The following NAALADL2 variants were observed in gnomAD, a reference collection of about 807,000 sequenced individuals.
The protein encoded by NAALADL2 is inactive N-acetylated-alpha-linked acidic dipeptidase-like protein 2.
Under a neutral mutation model 87.2 loss-of-function variants are expected in NAALADL2, and 76 were observed. The observed-to-expected ratio is 0.87, with a 90% CI of 0.72 to 1.05. The LOEUF is 1.05. Ranked by LOEUF, NAALADL2 falls within the 50% of genes least tolerant of loss-of-function variation. The pLI, the probability that NAALADL2 is intolerant of heterozygous loss-of-function variation, is 0.00. For missense variants in NAALADL2, 1,089 were observed against 945.8 expected (o/e 1.15, Z -1.99); for synonymous variants, 354 against 331.0 (o/e 1.07, Z -0.75).
chr3:175,731,802 T>G (rs1743790250), intron 11 of NAALADL2, among the ~76,000 whole-genome samples: 1 of 152,166 alleles, frequency 6.6e-6, no homozygotes, highest in Admixed American at 6.5e-5. Flanking sequence ...AACAGCTTTC[T>G]CCAGCAGCAC....
intron 3 of NAALADL2, among the ~76,000 whole-genome samples, chr3:174,750,196 A>G (rs960881220): frequency 6.6e-6 from 1 of 152,162 alleles, no homozygotes; most frequent in African/African-American, 2.4e-5. Context: ...ACTGCTATTT[A>G]TAAAAGATAA....
At chr3:174,505,907 A>G (rs1719173671) in intron 1 of NAALADL2, among the ~76,000 whole-genome samples, 1 of 152,166 alleles carries the variant, frequency 6.6e-6, no homozygotes, top group South Asian at 2.1e-4. Flanking sequence ...CAAAGAGGAA[A>G]ATGAAACTTT....
intron 1 of NAALADL2, among the ~76,000 whole-genome samples, chr3:174,929,334 C>T (rs1160468347): frequency 2.0e-5 from 3 of 152,136 alleles, no homozygotes; most frequent in Admixed American, 1.3e-4. Context: ...GAATGATTCT[C>T]ACTGCTGTAT....
At chr3:174,461,391 A>G (rs1716205751) in intron 1 of NAALADL2, among the ~76,000 whole-genome samples, 2 of 152,102 alleles carry the variant, frequency 1.3e-5, no homozygotes, top group Non-Finnish European at 1.5e-5. Context: ...TCTTTTCAAT[A>G]AAGTTTATCA....
chr3:175,736,967 T>G (rs1021482382), intron 11 of NAALADL2, among the ~76,000 whole-genome samples: 14 of 152,186 alleles, frequency 9.2e-5, no homozygotes, highest in African/African-American at 3.4e-4. Flanking sequence ...ACTGTTTGTT[T>G]GGTCATGTGA....
intron 2 of NAALADL2, among the ~76,000 whole-genome samples, chr3:175,171,384 T>G (rs1175506348): frequency 6.6e-6 from 1 of 152,072 alleles, no homozygotes; most frequent in Non-Finnish European, 1.5e-5. Flanking sequence ...AACAATCGAA[T>G]AGCAGATTTA....
rs550698187 is a variant in NAALADL2 at position 175,469,694 on chromosome 3, G to A, written c.1534-1945G>A. Among the ~76,000 whole-genome samples, 12 of 152,112 alleles carry A rather than the reference G, an allele frequency of 7.9e-5. No individual in the cohort carries two copies. In the South Asian group the frequency reaches 1.0e-3, roughly 13 times the overall value. The stretch of plus-strand genomic sequence containing the variant: ...AAATATTATAGATATTGGAGTAAAA[G>A]AAGTCATAGTTCAAATTCTCTTTAC... On this transcript the variant is annotated intron_variant, in intron 8 of 13. Coordinates refer to ENST00000454872, the MANE Select transcript of NAALADL2 (RefSeq NM_207015.3).
Position 175,534,291 on chromosome 3 carries a change from G to GAGAT in NAALADL2, c.1654-41741_1654-41738dup, listed in dbSNP as rs550710098. ...ACAATAGAATAGATAGATGGACAGG[G>GAGAT]AGATAGATAGATTTTATTAAGTATT... On this transcript the variant is annotated intron_variant, in intron 9 of 13. Transcript: ENST00000454872. Among the ~76,000 whole-genome samples, 732 of 152,154 alleles carry GAGAT rather than the reference G, an allele frequency of 4.8e-3. 6 individuals are homozygous for GAGAT. Among genetic ancestry groups the GAGAT allele is most frequent in the African/African-American group, 0.017 (699 of 41,504 alleles).
At chr3:175,530,456 C>G (rs1733946945) in intron 9 of NAALADL2, among the ~76,000 whole-genome samples, 1 of 152,228 alleles carries the variant, frequency 6.6e-6, no homozygotes, top group African/African-American at 2.4e-5. Flanking sequence ...ATCAGGTGCA[C>G]TGCTTGAAGT....
intron 1 of NAALADL2, among the ~76,000 whole-genome samples, chr3:174,900,715 A>C (rs1254832293): frequency 6.6e-6 from 1 of 152,050 alleles, no homozygotes; most frequent in African/African-American, 2.4e-5. Flanking sequence ...AAAATAACTA[A>C]ATTTTAACAG....
chr3:174,737,040 AG>A (rs970649491), intron 2 of NAALADL2, among the ~76,000 whole-genome samples: 9 of 152,168 alleles, frequency 5.9e-5, no homozygotes, highest in Admixed American at 5.2e-4. Flanking sequence ...TGTGACTGGA[AG>A]GGTGGGGGTC....
chr3:174,854,164 T>C (rs78310268), intron 3 of NAALADL2, among the ~76,000 whole-genome samples: 8,970 of 152,130 alleles, frequency 0.059, 368 homozygotes, highest in Non-Finnish European at 0.09. Flanking sequence ...ATAAATAAAA[T>C]ATAGTACTTA....
chr3:175,206,292 ATG>A (rs1560164021), intron 2 of NAALADL2, among the ~76,000 whole-genome samples: 7,299 of 109,086 alleles, frequency 0.067, 849 homozygotes, highest in African/African-American at 0.21. Flanking sequence ...GTGTGTATGT[ATG>A]TGTATATATA....
At chr3:174,968,494 T>G (rs754760222) in intron 1 of NAALADL2, among the ~76,000 whole-genome samples, 13 of 152,062 alleles carry the variant, frequency 8.5e-5, no homozygotes, top group African/African-American at 3.1e-4. Flanking sequence ...ACAGCCTGTT[T>G]TTCTAACTAT....
intron 2 of NAALADL2, among the ~76,000 whole-genome samples, chr3:175,131,325 A>G (rs867440475): frequency 2.6e-5 from 4 of 151,860 alleles, no homozygotes; most frequent in African/African-American, 7.3e-5. Flanking sequence ...GTGTCCCTGG[A>G]TACTTGAGAT....
chr3:174,716,661 G>A (rs1162396910), intron 2 of NAALADL2, among the ~76,000 whole-genome samples: 1 of 151,678 alleles, frequency 6.6e-6, no homozygotes, highest in South Asian at 2.1e-4. Flanking sequence ...AATAGACCCT[G>A]TCTCAGTTCC....
Position 175,479,680 on chromosome 3 carries a change from T to C in NAALADL2, c.1653+7922T>C, listed in dbSNP as rs568805003. ...TGCTGATAAGGCTTGAAGGCACTGA[T>C]TACTCCTTCCCTTTGATCTGGAATT... On this transcript the variant is annotated intron_variant, in intron 9 of 13. Coordinates refer to ENST00000454872, the MANE Select transcript of NAALADL2 (RefSeq NM_207015.3). 2.0e-5 allele frequency among the ~76,000 whole-genome samples: 3 copies of C among 151,890 alleles called. No homozygotes were observed. In the South Asian group the frequency reaches 6.2e-4, roughly 31 times the overall value.
intron 1 of NAALADL2, among the ~76,000 whole-genome samples, chr3:174,885,721 A>T (rs1023916274): frequency 4.0e-5 from 6 of 151,824 alleles, no homozygotes; most frequent in Admixed American, 6.6e-5. Flanking sequence ...TGGTACCAAA[A>T]TCTGTATTAG....
intron 5 of NAALADL2, among the ~76,000 whole-genome samples, chr3:175,347,820 T>C (rs1763310783): frequency 6.6e-6 from 1 of 152,084 alleles, no homozygotes; most frequent in African/African-American, 2.4e-5. Context: ...CGTGCCATGG[T>C]GGTTTGCTGC....
Sources: gnomAD v4.1 joint callset for allele counts (sites outside exome capture counted in the v4.1 genomes callset) on GRCh38, gnomAD v4.1.1 for gene constraint, MANE v1.5 for transcripts, NCBI Gene and HGNC (gene_info 2026-07-23, HGNC 2026-07-21) for gene names.